RNF213: variants seen among roughly 807,000 people sequenced by gnomAD.
RNF213 encodes E3 ubiquitin-protein ligase RNF213.
RNF213 carries 341 observed loss-of-function variants against 514.4 expected under a neutral mutation model. The ratio of observed to expected loss-of-function variants is 0.66; its 90% CI spans 0.61 to 0.73. RNF213 has a LOEUF of 0.73. RNF213 is among the 30% of genes least tolerant of loss of function. RNF213 has a pLI of 0.00. For synonymous variants in RNF213, 2,655 were observed against 2,658.2 expected, an observed-to-expected ratio of 1.00 and a Z score of 0.04; for missense variants, 5,767 against 6,615.6, an observed-to-expected ratio of 0.87 and a Z score of 4.45.
Position 80,353,300 on chromosome 17 carries a change from C to T in RNF213, c.10424-212C>T. On this transcript the variant is annotated intron_variant, in intron 33 of 67. Transcript: ENST00000582970. The surrounding 1 kb of genome is among the most constrained non-coding windows in gnomAD (Gnocchi z 5.0). Reference sequence around the variant, plus strand: ...GCAGGCCAGCCATGGAAGTGAGCACCTAGAACACGCCAGAGCCCAGGCTGG... The same window carrying T: ...GCAGGCCAGCCATGGAAGTGAGCACTTAGAACACGCCAGAGCCCAGGCTGG... 1 of 777,138 alleles carries T rather than the reference C, an allele frequency of 1.3e-6. No homozygotes were observed. Among genetic ancestry groups the T allele is most frequent in the Non-Finnish European group, 2.1e-6 (1 of 472,126 alleles). 48.1% of individuals were successfully genotyped at this position (777,138 alleles called of 1,614,324 possible). A position where few individuals can be genotyped will look rare whatever the true frequency, so the allele number is the denominator to read the frequency against.
chr17:80,357,022 C>T (rs953398327), intron 36 of RNF213, among the ~76,000 whole-genome samples: 6 of 151,182 alleles, frequency 4.0e-5, no homozygotes, highest in Non-Finnish European at 7.4e-5. Flanking sequence ...CGGGTTCAAG[C>T]GATTCTCCTG....
intron 3 of RNF213, among the ~76,000 whole-genome samples, chr17:80,283,738 C>T (rs900149304): frequency 1.3e-5 from 2 of 152,154 alleles, no homozygotes; most frequent in African/African-American, 4.8e-5. Context: ...TGGTCAGGGG[C>T]CTGCCTCAGT....
chr17:80,386,104 C>T, intron 61 of RNF213, 146 bp from the exon 62 acceptor site: 1 of 729,018 alleles, frequency 1.4e-6, no homozygotes, highest in East Asian at 2.6e-5. Context: ...ATTTGAAACT[C>T]TATCAGCATA....
Position 80,381,591 on chromosome 17 carries a change from C to G in RNF213, c.13842C>G (p.Gly4614=), listed in dbSNP as rs971228610. 2 of 1,614,126 alleles carry G rather than the reference C, an allele frequency of 1.2e-6. No individual in the cohort carries two copies. The highest frequency in any genetic ancestry group is 1.3e-5 in the African/African-American group (1 of 74,944). Residue 4614 remains glycine (G), a synonymous_variant, in exon 57 of 68, where the codon GGC becomes GGG. Coordinates refer to ENST00000582970, the MANE Select transcript of RNF213 (RefSeq NM_001256071.3). ...IIKPPVRDPK[G]FLQQHILKDL... is the part of the protein sequence containing the mutation. ...AGCCTCCAGTGAGGGATCCAAAAGG[C>G]TTTCTGCAGCAGCACATCCTGAAGG...
rs548329633 is a variant in RNF213, at chr17:80,298,867, T to A, written c.2210+349T>A. 2.3e-5 allele frequency: 7 copies of A among 305,118 alleles called. No individual in the cohort carries two copies. The East Asian group carries it at 4.3e-4, about 19-fold the overall frequency. The allele number at this position is 305,118 out of a possible 1,614,324, so 18.9% of individuals were successfully genotyped here. On this transcript the variant is annotated intron_variant, in intron 11 of 67. Coordinates refer to ENST00000582970, the MANE Select transcript of RNF213 (RefSeq NM_001256071.3). ...GGTGGCATGTGCTTGTAATCCCAGCTACTCTGGAGGCTGAGGTAGGAGAAT... is the reference window on the plus strand; with the variant it reads ...GGTGGCATGTGCTTGTAATCCCAGCAACTCTGGAGGCTGAGGTAGGAGAAT...
intron 10 of RNF213, among the ~76,000 whole-genome samples, chr17:80,296,268 C>G (rs2044941815): frequency 6.6e-6 from 1 of 152,192 alleles, no homozygotes; most frequent in African/African-American, 2.4e-5. Context: ...GATCCACCCA[C>G]CTCGGCCTCC....
chr17:80,383,741 A>T lies in RNF213; in HGVS notation c.14135A>T (p.Asn4712Ile), dbSNP rs1288301938. The change falls in exon 59 of 68, where the codon AAC (asparagine) becomes ATC (isoleucine). Residue 4712 changes from asparagine to isoleucine, a missense_variant. This residue lies in a region of RNF213 where 1,245 missense variants were observed against 1,339.0 expected (regional missense o/e 0.93). Coordinates refer to ENST00000582970, the MANE Select transcript of RNF213 (RefSeq NM_001256071.3). Reference sequence around the variant, plus strand: ...AGCCAAGATAAGCGTATCAGCTCTAACCCTGTGGCCAAAATAATATATGGT... The same window carrying T: ...AGCCAAGATAAGCGTATCAGCTCTATCCCTGTGGCCAAAATAATATATGGT... Reference protein sequence around the residue: ...LISQDKRISSNPVAKIIYGDP... With the variant: ...LISQDKRISSIPVAKIIYGDP... 1 of 1,613,948 alleles carries T rather than the reference A, an allele frequency of 6.2e-7. No homozygotes were observed. The highest frequency in any genetic ancestry group is 2.2e-5 in the East Asian group (1 of 44,898).
At chr17:80,328,219 C>G in intron 19 of RNF213, 109 bp from the exon 20 acceptor site, 1 of 1,324,586 alleles carries the variant, frequency 7.5e-7, no homozygotes, top group Middle Eastern at 1.9e-4. Context: ...CAAAACCATC[C>G]TAGTCCTTCT....
chr17:80,369,627 C>G lies in RNF213; in HGVS notation c.12281C>G (p.Ser4094Cys). 8 of 1,614,248 alleles carry G rather than the reference C, an allele frequency of 5.0e-6. No individual in the cohort carries two copies. Among genetic ancestry groups the G allele is most frequent in the South Asian group, 1.1e-5 (1 of 91,088 alleles). The change falls in exon 45 of 68, where the codon TCT becomes TGT. Residue 4094 changes from serine (S) to cysteine (C), a missense_variant. Ser to Cys is a moderately radical substitution (Grantham distance 112). Around this residue, in one of 13 missense-constraint regions of RNF213, gnomAD observed 93 missense variants for 95.6 expected, o/e 0.97. Coordinates refer to ENST00000582970, the MANE Select transcript of RNF213 (RefSeq NM_001256071.3). ...PEKEVIESLL[S>C]LLFVQKGRLR... ...AAGGAAGTGATTGAGAGCCTGCTCT[C>G]TCTCCTCTTCGTCCAAAAGGGGCGC... is the stretch of plus-strand genomic sequence containing the variant.
At chr17:80,357,501 G>A (rs1319487406) in intron 36 of RNF213, among the ~76,000 whole-genome samples, 4 of 152,034 alleles carry the variant, frequency 2.6e-5, no homozygotes, top group Non-Finnish European at 2.9e-5. Flanking sequence ...GTGCCTTCTT[G>A]TTTAGTTTGA....
At chr17:80,297,741 C>A (rs1345130359) in intron 10 of RNF213, among the ~76,000 whole-genome samples, 1 of 142,862 alleles carries the variant, frequency 7.0e-6, no homozygotes, top group East Asian at 2.1e-4. Flanking sequence ...GAGCCAAGAT[C>A]GTGCCACTGC....
rs1447153262 is a variant in RNF213 at position 80,288,267 on chromosome 17, C to G, written c.714C>G (p.Ala238=). The G allele has an allele frequency of 9.3e-6, 15 of 1,613,148 alleles. No homozygotes were observed. Among genetic ancestry groups the G allele is most frequent in the African/African-American group, 1.3e-5 (1 of 74,952 alleles). ...GEGHSRTEDA[A]QELLLPESKG... is the part of the protein sequence containing the mutation. ...GCCATTCTAGGACTGAAGATGCTGC[C>G]CAGGAGCTCCTGTTGCCTGAGTCAA... The change falls in exon 4 of 68, where the codon GCC becomes GCG. Residue 238 remains alanine, a synonymous_variant. Transcript: ENST00000582970. The surrounding 1 kb of genome is among the most constrained non-coding windows in gnomAD (Gnocchi z 4.9).
At position 80,346,270 on chromosome 17, in the gene RNF213, GAA is replaced by G; in HGVS notation, c.7937_7938del (p.Lys2646SerfsTer70). ...GCCTCAGGGACGTGGAGCGCTGTGTGAAAGTTTTCAGGTGGTTCCACGAGCAC... is the reference window on the plus strand; with the variant it reads ...GCCTCAGGGACGTGGAGCGCTGTGTGAGTTTTCAGGTGGTTCCACGAGCAC... Reference protein sequence around the residue: ...VSLRDVERCVKVFRWFHEHSA... With the variant: ...VSLRDVERCVXVFRWFHEHSA... On this transcript the variant is annotated frameshift_variant, in exon 29 of 68. Coordinates refer to ENST00000582970, the MANE Select transcript of RNF213 (RefSeq NM_001256071.3). LOFTEE classifies it high-confidence loss of function. This position sits in a 1 kb window ranked among gnomAD's most constrained non-coding sequence, Gnocchi z 8.1. The G allele has an allele frequency of 6.2e-7, 1 of 1,614,180 alleles. No homozygotes were observed. Among genetic ancestry groups the G allele is most frequent in the East Asian group, 2.2e-5 (1 of 44,880 alleles).
At chr17:80,261,619 G>A in intron 1 of RNF213, among the ~76,000 whole-genome samples, 1 of 152,354 alleles carries the variant, frequency 6.6e-6, no homozygotes, top group African/African-American at 2.4e-5. Flanking sequence ...TCTGTGCTTG[G>A]GAAAAAATGT....
intron 2 of RNF213, among the ~76,000 whole-genome samples, chr17:80,266,202 G>T (rs2043605772): frequency 6.6e-6 from 1 of 151,738 alleles, no homozygotes; most frequent in Non-Finnish European, 1.5e-5. Context: ...AGCACTTTGG[G>T]AGGCCGAGGT....
rs921185480 is a variant in RNF213, at chr17:80,385,430, T to C, written c.14456-108T>C. 9.6e-6 allele frequency: 10 copies of C among 1,036,786 alleles called. No homozygotes were observed. The African/African-American group carries it at 1.3e-4, about 13-fold the overall frequency. The allele number at this position is 1,036,786 out of a possible 1,614,324, so 64.2% of individuals were successfully genotyped here. A position where few individuals can be genotyped will look rare whatever the true frequency, so the allele number is the denominator to read the frequency against. On this transcript the variant is annotated intron_variant, in intron 60 of 67. Transcript: ENST00000582970. ...ACAGCACCTCAGACATGCTTGTGAC[T>C]GCACAAAGCAGGAAAGATGGGCTCT...
At chr17:80,301,328 A>G (rs748370683) in intron 11 of RNF213, among the ~76,000 whole-genome samples, 31 of 152,240 alleles carry the variant, frequency 2.0e-4, no homozygotes, top group Non-Finnish European at 4.1e-4. Context: ...ATGGGATTAC[A>G]TCAAATCAAA....
Position 80,393,659 on chromosome 17 carries a change from C to T in RNF213, c.*161C>T, listed in dbSNP as rs1290958449. On this transcript the variant is annotated 3_prime_UTR_variant, in exon 68 of 68. Transcript: ENST00000582970. ...CAAGGCGTGCTACCTGAGCTGACAG[C>T]TTTTTGAAAGCCGAGCTGTTTCTGA... is the stretch of plus-strand genomic sequence containing the variant. 1 of 717,370 alleles carries T rather than the reference C, an allele frequency of 1.4e-6. No individual in the cohort carries two copies. Among genetic ancestry groups the T allele is most frequent in the Non-Finnish European group, 2.3e-6 (1 of 435,736 alleles). The allele number at this position is 717,370 out of a possible 1,614,324, so 44.4% of individuals were successfully genotyped here. A position where few individuals can be genotyped will look rare whatever the true frequency, so the allele number is the denominator to read the frequency against.
Position 80,354,199 on chromosome 17 carries a change from C to T in RNF213, c.10726+33C>T, listed in dbSNP as rs370457110. On this transcript the variant is annotated intron_variant, in intron 35 of 67. Transcript: ENST00000582970. ...CCTCCCCACCCCTCTTGCCCCTGCC[C>T]CCACGTGGGCTCTTCCTGAGGAGTG... 3.1e-6 allele frequency: 5 copies of T among 1,609,002 alleles called. No individual in the cohort carries two copies. The African/African-American group carries it at 6.7e-5, about 22-fold the overall frequency.
Sources: gnomAD v4.1 joint callset for allele counts (sites outside exome capture counted in the v4.1 genomes callset) on GRCh38, gnomAD v4.1.1 for gene constraint, gnomAD v4.1.1 regional missense constraint, Gnocchi (gnomAD v3.1) non-coding constraint, MANE v1.5 for transcripts, NCBI Gene and HGNC (gene_info 2026-07-23, HGNC 2026-07-21) for gene names.